CTCFL: variants seen among roughly 807,000 people sequenced by gnomAD.
CTCFL encodes transcriptional repressor CTCFL.
In CTCFL, 36 loss-of-function variants were observed where a neutral mutation model predicts 67.4. The observed-to-expected ratio is 0.53, with a 90% CI of 0.41 to 0.71. The LOEUF (loss-of-function observed/expected upper bound fraction) is 0.71, where lower values mean the gene tolerates loss of function less well. Ranked by LOEUF, CTCFL falls within the 30% of genes least tolerant of loss-of-function variation. CTCFL has a pLI of 0.00. For synonymous variants in CTCFL, 324 were observed against 302.3 expected (o/e 1.07, Z -0.75); for missense variants, 786 against 835.2 (o/e 0.94, Z 0.73).
At chr20:57,508,969 A>G (rs976205670) in intron 8 of CTCFL, among the ~76,000 whole-genome samples, 181 bp from the exon 9 acceptor site, 1 of 152,232 alleles carries the variant, frequency 6.6e-6, no homozygotes, top group Non-Finnish European at 1.5e-5. Context: ...GCCGCCTAGG[A>G]AACAAAACTC....
chr20:57,512,810 TC>T, intron 7 of CTCFL, 58 bp from the exon 8 acceptor site: 5 of 1,536,956 alleles, frequency 3.3e-6, no homozygotes, highest in Non-Finnish European at 4.5e-6. Context: ...TTAGCCTGCT[TC>T]CCCTCTCCTC....
In CTCFL at chr20:57,524,392, G is replaced by A. The variant is rs868178303; in HGVS notation, c.-11-176C>T. 14 of 1,431,234 alleles carry A rather than the reference G, an allele frequency of 9.8e-6. No homozygotes were observed. The South Asian group carries it at 2.0e-4, about 20-fold the overall frequency. The allele number at this position is 1,431,234 out of a possible 1,614,324, so 88.7% of individuals were successfully genotyped here. A position where few individuals can be genotyped will look rare whatever the true frequency, so the allele number is the denominator to read the frequency against. The stretch of plus-strand genomic sequence containing the variant: ...TGATCTGGCTTGGGTCTAGGAGGGG[G>A]TCAAGGCTAAGCAGGATTTAGGCTA... On this transcript the variant is annotated intron_variant, in intron 1 of 10. Coordinates refer to ENST00000243914, the MANE Select transcript of CTCFL (RefSeq NM_001386993.1).
At chr20:57,510,634 C>T (rs888278169) in intron 8 of CTCFL, among the ~76,000 whole-genome samples, 5 of 152,132 alleles carry the variant, frequency 3.3e-5, no homozygotes, top group Admixed American at 1.3e-4. Flanking sequence ...GAGGCCGAGG[C>T]GGGCAGATCA....
At chr20:57,504,924 T>C (rs572360733) in intron 9 of CTCFL, among the ~76,000 whole-genome samples, 5 of 151,976 alleles carry the variant, frequency 3.3e-5, no homozygotes, top group African/African-American at 4.8e-5. Flanking sequence ...TGATTTATAA[T>C]TTTGTCTGTA....
At position 57,503,340 on chromosome 20, in the gene CTCFL, T is replaced by G. The variant is rs2068013716; in HGVS notation, c.1840+96A>C. 8 of 1,449,296 alleles carry G rather than the reference T, an allele frequency of 5.5e-6. No individual in the cohort carries two copies. The Admixed American group carries it at 1.4e-4, about 26-fold the overall frequency. The allele number at this position is 1,449,296 out of a possible 1,614,324, so 89.8% of individuals were successfully genotyped here. ...CCGACTGGTGGACAAATAGGGGCTCTGGACACATCCCCTGGACAGTAACAC... is the reference window on the plus strand; with the variant it reads ...CCGACTGGTGGACAAATAGGGGCTCGGGACACATCCCCTGGACAGTAACAC... On this transcript the variant is annotated intron_variant, in intron 10 of 10. Transcript: ENST00000243914.
At chr20:57,502,449 T>G (rs1397954477) in intron 10 of CTCFL, among the ~76,000 whole-genome samples, 4 of 152,202 alleles carry the variant, frequency 2.6e-5, no homozygotes, top group African/African-American at 9.6e-5. Flanking sequence ...GGGCATCCTC[T>G]ATCTGATCTG....
At chr20:57,516,955 T>C (rs1307185139) in intron 5 of CTCFL, among the ~76,000 whole-genome samples, 1 of 152,210 alleles carries the variant, frequency 6.6e-6, no homozygotes, top group Non-Finnish European at 1.5e-5. Context: ...ATCAGGAAGC[T>C]GCATCAGTCC....
chr20:57,518,740 G>C lies in CTCFL; in HGVS notation c.1059+18C>G, dbSNP rs761481492. The stretch of plus-strand genomic sequence containing the variant: ...CTACTAAGATGCCATGAAGCTTCAA[G>C]TCCAAGAATGGCTTTACCTCCACAC... On this transcript the variant is annotated intron_variant, in intron 5 of 10. Coordinates refer to ENST00000243914, the MANE Select transcript of CTCFL (RefSeq NM_001386993.1). The C allele has an allele frequency of 5.6e-6, 9 of 1,614,032 alleles. No individual in the cohort carries two copies. The highest frequency in any genetic ancestry group is 5.1e-6 in the Non-Finnish European group (6 of 1,180,020).
At chr20:57,506,764 A>G (rs1600646611) in intron 9 of CTCFL, 1 of 982,930 alleles carries the variant, frequency 1.0e-6, no homozygotes, top group Non-Finnish European at 1.2e-6. Context: ...TTTTCTCTAC[A>G]TTTTTATTTC....
Position 57,523,231 on chromosome 20 carries a change from C to T in CTCFL, c.591G>A (p.Lys197=). The T allele has an allele frequency of 6.2e-7, 1 of 1,613,958 alleles. No individual in the cohort carries two copies. Among genetic ancestry groups the T allele is most frequent in the Non-Finnish European group, 8.5e-7 (1 of 1,179,992 alleles). The change falls in exon 3 of 11, where the codon AAG becomes AAA. Residue 197 remains lysine (K), a synonymous_variant. Transcript: ENST00000243914. ...TTGTTTCCACAAAAAAGAGCTGCTC[C>T]TTTGTTCTTTCAGCCAATAACTGGT... is the stretch of plus-strand genomic sequence containing the variant. The part of the protein sequence containing the change: ...EKNQLLAERT[K]EQLFFVETMS...
chr20:57,511,212 T>A (rs938291737), intron 8 of CTCFL, among the ~76,000 whole-genome samples: 5 of 152,110 alleles, frequency 3.3e-5, no homozygotes, highest in Non-Finnish European at 5.9e-5. Flanking sequence ...CTAATTTTTG[T>A]ATTTTTTTGT....
intron 3 of CTCFL, among the ~76,000 whole-genome samples, chr20:57,519,736 C>CGCCCA (rs1018663876): frequency 2.8e-4 from 42 of 152,046 alleles, no homozygotes; most frequent in Non-Finnish European, 5.1e-4. Context: ...TGAAGTGGGG[C>CGCCCA]GCCCAAGAAA....
rs118045133 is a variant in CTCFL, at chr20:57,508,924, A to T, written c.1492-136T>A. 2.7e-3 allele frequency: 2,180 copies of T among 794,548 alleles called. 10 individuals are homozygous for T. Among genetic ancestry groups the T allele is most frequent in the Non-Finnish European group, 2.7e-3 (1,398 of 512,384 alleles). The allele number at this position is 794,548 out of a possible 1,614,324, so 49.2% of individuals were successfully genotyped here. A position where few individuals can be genotyped will look rare whatever the true frequency, so the allele number is the denominator to read the frequency against. On this transcript the variant is annotated intron_variant, in intron 8 of 10. Coordinates refer to ENST00000243914, the MANE Select transcript of CTCFL (RefSeq NM_001386993.1). ...TATTAAGCAGAATTACTGCAAACAC[A>T]TTCTGAACAAGGCAGCATTCACTCT...
In CTCFL at chr20:57,499,946, G is replaced by C. The variant is rs1490359482; in HGVS notation, c.1841-1245C>G. The C allele has an allele frequency of 2.5e-5, 25 of 985,732 alleles. No individual in the cohort carries two copies. The African/African-American group carries it at 4.0e-4, about 16-fold the overall frequency. The allele number at this position is 985,732 out of a possible 1,614,324, so 61.1% of individuals were successfully genotyped here. On this transcript the variant is annotated intron_variant, in intron 10 of 10. Coordinates refer to ENST00000243914, the MANE Select transcript of CTCFL (RefSeq NM_001386993.1). ...AGTTCCTAACAGCCCACAGGTCCACGGCTGGGGGGTTGGGGAGCCCTGCTC... is the reference window on the plus strand; with the variant it reads ...AGTTCCTAACAGCCCACAGGTCCACCGCTGGGGGGTTGGGGAGCCCTGCTC...
intron 9 of CTCFL, among the ~76,000 whole-genome samples, chr20:57,506,127 A>G (rs550295501): frequency 6.6e-6 from 1 of 152,310 alleles, no homozygotes; most frequent in East Asian, 1.9e-4. Flanking sequence ...TTTTACTGGA[A>G]CACAGCCATG....
Position 57,523,883 on chromosome 20 carries a change from AC to A in CTCFL, c.322del (p.Val108CysfsTer49). The A allele has an allele frequency of 2.5e-6, 4 of 1,613,076 alleles. No homozygotes were observed. The highest frequency in any genetic ancestry group is 3.4e-6 in the Non-Finnish European group (4 of 1,180,024). ...SLLSIQQQEG[V>X]QVVVQQPGPG... The stretch of plus-strand genomic sequence containing the variant: ...GCCAGGCTGTTGCACCACCACCTGC[AC>A]CCCTTCTTGCTGCTGTATGCTCAGC... On this transcript the variant is annotated frameshift_variant, in exon 2 of 11. Transcript: ENST00000243914. LOFTEE classifies it high-confidence loss of function.
At chr20:57,508,841 T>C in intron 8 of CTCFL, 53 bp from the exon 9 acceptor site, 1 of 1,490,894 alleles carries the variant, frequency 6.7e-7, no homozygotes, top group South Asian at 1.2e-5. Flanking sequence ...GTTTTCTCGA[T>C]ATTAGACACT....
At chr20:57,513,301 G>C (rs544062657) in intron 7 of CTCFL, 25 of 985,900 alleles carry the variant, frequency 2.5e-5, no homozygotes, top group Admixed American at 6.1e-5. Flanking sequence ...ATTAACCTGA[G>C]ACACATGGTA....
At chr20:57,505,715 T>C (rs377714935) in intron 9 of CTCFL, among the ~76,000 whole-genome samples, 31 of 152,200 alleles carry the variant, frequency 2.0e-4, no homozygotes, top group African/African-American at 7.0e-4. Context: ...GCAGAGGTCA[T>C]GGGTGGCAGT....
Sources: gnomAD v4.1 joint callset for allele counts (sites outside exome capture counted in the v4.1 genomes callset) on GRCh38, gnomAD v4.1.1 for gene constraint, MANE v1.5 for transcripts, NCBI Gene and HGNC (gene_info 2026-07-23, HGNC 2026-07-21) for gene names.